Variants in GABRR3 observed in about 807,000 individuals in gnomAD.
GABRR3 encodes gamma-aminobutyric acid receptor subunit rho-3.
Under a neutral mutation model 43.2 loss-of-function variants are expected in GABRR3, and 29 were observed. The ratio of observed to expected loss-of-function variants is 0.67; its 90% confidence interval spans 0.50 to 0.92. The LOEUF (loss-of-function observed/expected upper bound fraction) is 0.92. Among genes scored for constraint, GABRR3 ranks in the 40% least tolerant of loss-of-function variants. GABRR3 has a pLI of 0.00. For missense variants in GABRR3, 576 were observed against 572.3 expected (o/e 1.01, Z -0.07); for synonymous variants, 206 against 195.9 (o/e 1.05, Z -0.43).
chr3:98,032,104 ATAGTATAG>A (rs1332151869), intron 2 of GABRR3, among the ~76,000 whole-genome samples: 4 of 151,886 alleles, frequency 2.6e-5, no homozygotes, highest in African/African-American at 4.8e-5. Context: ...ATAGTATAGT[ATAGTATAG>A]TATAGTATAG....
intron 8 of GABRR3, 137 bp downstream of exon 8, chr3:98,001,478 C>A: frequency 2.2e-6 from 2 of 906,550 alleles, no homozygotes; most frequent in Non-Finnish European, 1.7e-6. Context: ...AAGATCGATA[C>A]TGCAACCTGG....
chr3:98,016,302 C>T (rs1706872486), intron 4 of GABRR3, among the ~76,000 whole-genome samples: 1 of 152,112 alleles, frequency 6.6e-6, no homozygotes, highest in Admixed American at 6.6e-5. Context: ...AATTATTTCC[C>T]ATGACAGTCT....
intron 2 of GABRR3, among the ~76,000 whole-genome samples, chr3:98,029,712 T>C (rs946727271): frequency 2.6e-5 from 4 of 152,148 alleles, no homozygotes; most frequent in Admixed American, 1.3e-4. Context: ...AATTTAAAAG[T>C]ATTTAATTGA....
intron 4 of GABRR3, among the ~76,000 whole-genome samples, chr3:98,016,985 A>G (rs1188558434): frequency 6.6e-6 from 1 of 152,214 alleles, no homozygotes; most frequent in African/African-American, 2.4e-5. Flanking sequence ...AAAATGTCAT[A>G]GAAGACAGAA....
At chr3:98,033,445 A>G (rs190947162) in intron 2 of GABRR3, among the ~76,000 whole-genome samples, 94 of 152,216 alleles carry the variant, frequency 6.2e-4, no homozygotes, top group African/African-American at 2.0e-3. Flanking sequence ...CAAAGAACCA[A>G]TGTTCTTTTC....
At chr3:97,992,934 A>C in exon 9 of GABRR3, 1 of 1,613,750 alleles carries the variant, frequency 6.2e-7, no homozygotes, top group East Asian at 2.2e-5. Flanking sequence ...TGACAGGAAC[A>C]CAAAGAGGGA....
intron 1 of GABRR3, 91 bp from the exon 2 acceptor site, chr3:98,035,080 C>T (rs146859387): frequency 1.4e-6 from 2 of 1,448,384 alleles, no homozygotes; most frequent in Non-Finnish European, 1.9e-6. Context: ...AAAAAACAAA[C>T]AGCATGTCAG....
At chr3:98,025,589 G>A (rs751441524) in exon 3 of GABRR3, 13 of 1,610,138 alleles carry the variant, frequency 8.1e-6, no homozygotes, top group Admixed American at 6.7e-5. Flanking sequence ...GTCTCATTGC[G>A]AAATCGTTGT....
chr3:98,005,654 A>T (rs1184661770), intron 7 of GABRR3, among the ~76,000 whole-genome samples: 1 of 152,196 alleles, frequency 6.6e-6, no homozygotes, highest in Non-Finnish European at 1.5e-5. Context: ...AAAGTCTGAC[A>T]AGCACAAATA....
intron 8 of GABRR3, chr3:98,000,793 G>T (rs1706628395): frequency 6.6e-6 from 1 of 152,022 alleles, no homozygotes; most frequent in Admixed American, 6.6e-5. Flanking sequence ...AAATGAGGGG[G>T]ATCAGCCCTG....
intron 9 of GABRR3, among the ~76,000 whole-genome samples, chr3:97,989,048 GA>G: frequency 6.6e-6 from 1 of 151,276 alleles, no homozygotes; most frequent in East Asian, 2.0e-4. Context: ...GGTGGGTGGT[GA>G]GTGGTGGTGA....
intron 2 of GABRR3, 189 bp downstream of exon 2, chr3:98,034,673 CA>C: frequency 4.2e-6 from 1 of 236,556 alleles, no homozygotes; most frequent in Non-Finnish European, 6.9e-6. Flanking sequence ...CAGCAAATTC[CA>C]AGATATTGCT....
chr3:98,015,769 G>A (rs900393026), intron 4 of GABRR3, among the ~76,000 whole-genome samples: 1 of 152,198 alleles, frequency 6.6e-6, no homozygotes, highest in East Asian at 1.9e-4. Context: ...CATAGCCATT[G>A]GGTAAGAACA....
intron 3 of GABRR3, among the ~76,000 whole-genome samples, chr3:98,021,201 C>A (rs1354716036): frequency 6.6e-6 from 1 of 152,184 alleles, no homozygotes; most frequent in South Asian, 2.1e-4. Flanking sequence ...TGTCCCACTG[C>A]ACCTTATTCA....
intron 2 of GABRR3, among the ~76,000 whole-genome samples, chr3:98,028,617 C>T (rs1020198016): frequency 1.3e-5 from 2 of 152,058 alleles, no homozygotes; most frequent in South Asian, 2.1e-4. Context: ...GAGAGGGATG[C>T]CTGTATATTG....
chr3:98,031,706 G>T (rs564807239), intron 2 of GABRR3, among the ~76,000 whole-genome samples: 4 of 151,846 alleles, frequency 2.6e-5, no homozygotes, highest in East Asian at 1.9e-4. Context: ...TTGGACCACC[G>T]CACTCCAGCC....
chr3:97,995,131 A>G (rs1706519001), intron 8 of GABRR3, among the ~76,000 whole-genome samples: 1 of 152,032 alleles, frequency 6.6e-6, no homozygotes, highest in Non-Finnish European at 1.5e-5. Context: ...GGCATGCACC[A>G]CCACCTGGGC....
chr3:98,030,005 C>T (rs1048824449), intron 2 of GABRR3, among the ~76,000 whole-genome samples: 1 of 151,558 alleles, frequency 6.6e-6, no homozygotes, highest in African/African-American at 2.4e-5. Flanking sequence ...ATTTCATCTA[C>T]TCAGGAGGCC....
At chr3:97,994,445 C>G (rs1318294484) in intron 8 of GABRR3, among the ~76,000 whole-genome samples, 3 of 152,156 alleles carry the variant, frequency 2.0e-5, no homozygotes, top group Admixed American at 1.3e-4. Flanking sequence ...AATGCTATTC[C>G]AGCTCTTAAC....
Sources: allele counts gnomAD v4.1 joint callset (sites outside exome capture counted in the v4.1 genomes callset), GRCh38; gene constraint gnomAD v4.1.1; transcripts MANE v1.5; gene names NCBI Gene and HGNC (gene_info 2026-07-23, HGNC 2026-07-21).